EXOC4: variants seen among roughly 807,000 people sequenced by gnomAD.
EXOC4 encodes exocyst complex component 4.
Under a neutral mutation model 107.2 loss-of-function variants are expected in EXOC4, and 71 were observed. The observed-to-expected ratio is 0.66, with a 90% CI of 0.55 to 0.81. The LOEUF (loss-of-function observed/expected upper bound fraction) is 0.81. Among genes scored for constraint, EXOC4 ranks in the 30% least tolerant of loss-of-function variants. The pLI, the probability that EXOC4 is intolerant of heterozygous loss-of-function variation, is 0.00. For missense variants in EXOC4, 1,108 were observed against 1,189.6 expected, an observed-to-expected ratio of 0.93 and a Z score of 1.01; for synonymous variants, 456 against 441.2, an observed-to-expected ratio of 1.03 and a Z score of -0.42.
intron 5 of EXOC4, 75 bp from the exon 6 acceptor site, chr7:133,356,255 C>A (rs971315048): frequency 1.4e-6 from 2 of 1,443,554 alleles, no homozygotes; most frequent in Admixed American, 2.0e-5. Context: ...GCAGTGATTT[C>A]GTTTATTAGA....
intron 14 of EXOC4, among the ~76,000 whole-genome samples, chr7:133,980,148 G>T (rs2346276): frequency 0.73 from 111,242 of 152,154 alleles, 41,300 homozygotes; most frequent in East Asian, 0.91. Flanking sequence ...CTTCTATGAT[G>T]CCTTATTTTA....
At chr7:133,282,148 T>C (rs1298938273) in intron 2 of EXOC4, among the ~76,000 whole-genome samples, 1 of 152,226 alleles carries the variant, frequency 6.6e-6, no homozygotes, top group Non-Finnish European at 1.5e-5. Context: ...TTAGCTTTTC[T>C]CACCCCTTTA....
intron 9 of EXOC4, among the ~76,000 whole-genome samples, chr7:133,560,126 A>C (rs1211464404): frequency 6.6e-6 from 1 of 152,070 alleles, no homozygotes; most frequent in African/African-American, 2.4e-5. Context: ...ATTTTTTTTA[A>C]CTTTCAAAAT....
chr7:133,481,477 G>A (rs1799156376), intron 9 of EXOC4, among the ~76,000 whole-genome samples: 1 of 152,140 alleles, frequency 6.6e-6, no homozygotes, highest in African/African-American at 2.4e-5. Context: ...TCATAATTCT[G>A]TACCAAAACA....
intron 10 of EXOC4, among the ~76,000 whole-genome samples, chr7:133,659,157 G>A (rs1292081605): frequency 1.3e-5 from 2 of 151,974 alleles, no homozygotes; most frequent in Non-Finnish European, 2.9e-5. Flanking sequence ...GACATAGACT[G>A]TGATGTGAGG....
intron 10 of EXOC4, among the ~76,000 whole-genome samples, chr7:133,749,959 T>TG (rs1244897386): frequency 3.3e-5 from 4 of 120,554 alleles, no homozygotes; most frequent in Non-Finnish European, 5.3e-5. Flanking sequence ...TTGGCAGTTT[T>TG]TTTTTTTTTT....
intron 4 of EXOC4, among the ~76,000 whole-genome samples, chr7:133,309,674 T>C (rs1199556569): frequency 6.6e-6 from 1 of 152,178 alleles, no homozygotes; most frequent in East Asian, 1.9e-4. Context: ...GCGTGGAGGC[T>C]CACGCCTGTA....
intron 10 of EXOC4, among the ~76,000 whole-genome samples, chr7:133,721,572 A>C (rs900967689): frequency 6.6e-6 from 1 of 152,208 alleles, no homozygotes; most frequent in African/African-American, 2.4e-5. Context: ...TTGGTGTATG[A>C]CACAGTAAGT....
At chr7:133,765,297 T>G (rs1433853857) in intron 10 of EXOC4, among the ~76,000 whole-genome samples, 1 of 152,084 alleles carries the variant, frequency 6.6e-6, no homozygotes, top group Non-Finnish European at 1.5e-5. Flanking sequence ...TGCCTGCCTT[T>G]GGATTGAATT....
intron 11 of EXOC4, among the ~76,000 whole-genome samples, chr7:133,875,671 C>T (rs538690338): frequency 1.1e-4 from 16 of 152,228 alleles, no homozygotes; most frequent in Admixed American, 7.2e-4. Flanking sequence ...ACCTTTTTTT[C>T]ACTGAAGAAT....
intron 10 of EXOC4, among the ~76,000 whole-genome samples, chr7:133,686,993 T>TTG (rs1027053373): frequency 0.029 from 221 of 7,594 alleles, 3 homozygotes; most frequent in African/African-American, 0.053. Flanking sequence ...ATAAAGAATT[T>TTG]TGTGTGTGTG....
At chr7:133,482,281 A>G (rs1231469380) in intron 9 of EXOC4, among the ~76,000 whole-genome samples, 1 of 152,036 alleles carries the variant, frequency 6.6e-6, no homozygotes, top group African/African-American at 2.4e-5. Flanking sequence ...ACACATGCCC[A>G]CCTTCCTCCA....
At chr7:133,798,284 TA>T (rs1242940579) in intron 10 of EXOC4, among the ~76,000 whole-genome samples, 1 of 152,176 alleles carries the variant, frequency 6.6e-6, no homozygotes, top group Non-Finnish European at 1.5e-5. Context: ...ATATTGTGAG[TA>T]AGCTCCAAAT....
chr7:133,744,419 C>T (rs930610033), intron 10 of EXOC4, among the ~76,000 whole-genome samples: 1 of 152,074 alleles, frequency 6.6e-6, no homozygotes, highest in Non-Finnish European at 1.5e-5. Flanking sequence ...CCTTTCATTA[C>T]GATTTTTACT....
chr7:133,475,017 A>G (rs1277772915), intron 7 of EXOC4, among the ~76,000 whole-genome samples: 1 of 152,152 alleles, frequency 6.6e-6, no homozygotes, highest in Non-Finnish European at 1.5e-5. Flanking sequence ...TTAAATTGTG[A>G]TTAAAGAGGA....
At chr7:133,837,110 A>G (rs1419798798) in intron 11 of EXOC4, among the ~76,000 whole-genome samples, 2 of 152,220 alleles carry the variant, frequency 1.3e-5, no homozygotes, top group Admixed American at 6.5e-5. Context: ...ATGAATAAGC[A>G]TGGTACAATG....
chr7:133,974,286 G>T (rs1793778685), intron 14 of EXOC4, among the ~76,000 whole-genome samples: 1 of 152,218 alleles, frequency 6.6e-6, no homozygotes, highest in African/African-American at 2.4e-5. Context: ...ATTAAGCACT[G>T]TGCTAGGATG....
chr7:133,962,025 A>G (rs1039868134), intron 14 of EXOC4, among the ~76,000 whole-genome samples: 1 of 152,194 alleles, frequency 6.6e-6, no homozygotes, highest in Non-Finnish European at 1.5e-5. Flanking sequence ...TGTACAGTCA[A>G]ACTCCAGTGC....
intron 12 of EXOC4, among the ~76,000 whole-genome samples, chr7:133,902,591 C>T (rs868423640): frequency 1.3e-5 from 2 of 152,076 alleles, no homozygotes; most frequent in South Asian, 4.1e-4. Context: ...CAGTGGCTCA[C>T]ACCTGTAGTT....
Sources: gnomAD v4.1 joint callset for allele counts (sites outside exome capture counted in the v4.1 genomes callset) on GRCh38, gnomAD v4.1.1 for gene constraint, MANE v1.5 for transcripts, NCBI Gene and HGNC (gene_info 2026-07-23, HGNC 2026-07-21) for gene names.